Variants in SLC49A4 observed in about 807,000 individuals in gnomAD.
The protein encoded by SLC49A4 is disrupted in renal cancer protein 2.
SLC49A4 carries 36 observed loss-of-function variants against 50.6 expected under a neutral mutation model. That is an observed-to-expected ratio of 0.71 (90% CI 0.55 to 0.94). SLC49A4 has a LOEUF of 0.94. Among genes scored for constraint, SLC49A4 ranks in the 40% least tolerant of loss-of-function variants. The pLI is 0.00. For missense variants in SLC49A4, 503 were observed against 605.7 expected (o/e 0.83, Z 1.78); for synonymous variants, 248 against 241.2 (o/e 1.03, Z -0.26).
chr3:122,821,580 A>C (rs1212036198), intron 2 of SLC49A4, among the ~76,000 whole-genome samples: 4 of 152,142 alleles, frequency 2.6e-5, no homozygotes, highest in African/African-American at 9.7e-5. Context: ...TCAGGTGTGG[A>C]GTTTCGGGTA....
intron 7 of SLC49A4, among the ~76,000 whole-genome samples, chr3:122,869,984 T>C (rs950812414): frequency 3.0e-5 from 4 of 134,704 alleles, no homozygotes; most frequent in Non-Finnish European, 6.4e-5. Flanking sequence ...GACTCTATAT[T>C]GATAGTTCCC....
chr3:122,825,146 C>A (rs1431050408), intron 2 of SLC49A4, among the ~76,000 whole-genome samples: 1 of 152,138 alleles, frequency 6.6e-6, no homozygotes, highest in African/African-American at 2.4e-5. Flanking sequence ...TCATTCCAAG[C>A]CTTCTAGTTG....
rs538174827 is a variant in SLC49A4, at chr3:122,802,744, TATA to T, written c.344-4110_344-4108del. Among the ~76,000 whole-genome samples the T allele has an allele frequency of 3.9e-5, 6 of 152,026 alleles. No homozygotes were observed. The South Asian group carries it at 1.0e-3, about 26-fold the overall frequency. On this transcript the variant is annotated intron_variant, in intron 1 of 8. Coordinates refer to ENST00000261038, the MANE Select transcript of SLC49A4 (RefSeq NM_032839.3). ...TGTAATCAATGTGTAAGACGAAAAA[TATA>T]ATCAATGTCTGAGATGAAAAAAATA...
chr3:122,848,125 G>A (rs725404), intron 5 of SLC49A4, among the ~76,000 whole-genome samples: 1 of 152,018 alleles, frequency 6.6e-6, no homozygotes, highest in African/African-American at 2.4e-5. Flanking sequence ...CTGGAGCTCT[G>A]TTCTTTTACC....
chr3:122,814,452 C>G (rs1335285282), intron 2 of SLC49A4, among the ~76,000 whole-genome samples: 1 of 152,104 alleles, frequency 6.6e-6, no homozygotes, highest in Admixed American at 6.6e-5. Flanking sequence ...GTAACATGAG[C>G]ATTTTTGAAA....
chr3:122,844,713 C>T (rs1413162806), intron 4 of SLC49A4, among the ~76,000 whole-genome samples: 1 of 151,188 alleles, frequency 6.6e-6, no homozygotes, highest in East Asian at 1.9e-4. Flanking sequence ...ACCCGGGAAG[C>T]GGAGGTTGCA....
intron 1 of SLC49A4, among the ~76,000 whole-genome samples, chr3:122,805,073 C>T (rs1442508058): frequency 4.6e-5 from 7 of 151,966 alleles, no homozygotes; most frequent in African/African-American, 1.5e-4. Flanking sequence ...TTCAGTATCT[C>T]GTAGGGTACC....
At chr3:122,836,536 T>A (rs1936690127) in intron 4 of SLC49A4, among the ~76,000 whole-genome samples, 1 of 152,178 alleles carries the variant, frequency 6.6e-6, no homozygotes, top group African/African-American at 2.4e-5. Context: ...GATTCCCTCT[T>A]TTTCTATTGA....
chr3:122,843,789 C>G (rs1454163505), intron 4 of SLC49A4, among the ~76,000 whole-genome samples: 1 of 152,116 alleles, frequency 6.6e-6, no homozygotes, highest in Non-Finnish European at 1.5e-5. Context: ...TTTAGTTTTG[C>G]TTTTGTTTTT....
chr3:122,874,971 G>A (rs1273864277), intron 8 of SLC49A4, among the ~76,000 whole-genome samples: 1 of 152,186 alleles, frequency 6.6e-6, no homozygotes, highest in Non-Finnish European at 1.5e-5. Context: ...TTATGAGTGT[G>A]CATAATGAAT....
At chr3:122,814,175 T>G (rs991030855) in intron 2 of SLC49A4, among the ~76,000 whole-genome samples, 1 of 152,068 alleles carries the variant, frequency 6.6e-6, no homozygotes, top group Admixed American at 6.6e-5. Flanking sequence ...GGCTGAGGCA[T>G]GAGAATCACT....
At position 122,826,831 on chromosome 3, in the gene SLC49A4, T is replaced by A. The variant is rs1936535549; in HGVS notation, c.469T>A (p.Leu157Met). Residue 157 changes from leucine to methionine, a missense_variant, in exon 3 of 9, where the codon TTG becomes ATG. Transcript: ENST00000261038. ...TCATGGAGGACAGATGTTAAATGGA[T>A]TGGCAGGTCCAACTGTAATGAATGC... is the stretch of plus-strand genomic sequence containing the variant. ...LIHGGQMLNGLAGPTVMNAAP... is the reference protein window; with the variant it reads ...LIHGGQMLNGMAGPTVMNAAP... 2 of 1,614,160 alleles carry A rather than the reference T, an allele frequency of 1.2e-6. No individual in the cohort carries two copies. Among genetic ancestry groups the A allele is most frequent in the Non-Finnish European group, 1.7e-6 (2 of 1,180,000 alleles).
At chr3:122,856,262 A>T (rs1936987906) in intron 5 of SLC49A4, 45 bp from the exon 6 acceptor site, 17 of 1,586,094 alleles carry the variant, frequency 1.1e-5, no homozygotes, top group Non-Finnish European at 1.5e-5. Context: ...TTTATATTGC[A>T]GTATGATTGT....
Position 122,856,367 on chromosome 3 carries a change from A to G in SLC49A4, c.1003A>G (p.Met335Val), listed in dbSNP as rs568324197. The change falls in exon 6 of 9, where the codon ATG becomes GTG. Residue 335 changes from methionine (M) to valine (V), a missense_variant. Coordinates refer to ENST00000261038, the MANE Select transcript of SLC49A4 (RefSeq NM_032839.3). ...IVGGCVVGIA[M>V]ARFADFIRGM... ...TGGAGGCTGTGTTGTTGGAATAGCT[A>G]TGGCAAGGTGAGAATATTTTGTTAA... 1.2e-6 allele frequency: 2 copies of G among 1,613,982 alleles called. No individual in the cohort carries two copies. Among genetic ancestry groups the G allele is most frequent in the Non-Finnish European group, 1.7e-6 (2 of 1,179,914 alleles).
At chr3:122,868,727 T>C (rs1937153833) in intron 7 of SLC49A4, among the ~76,000 whole-genome samples, 1 of 152,244 alleles carries the variant, frequency 6.6e-6, no homozygotes, top group South Asian at 2.1e-4. Context: ...CTTTACTTTC[T>C]GCATTTCCAC....
Position 122,856,170 on chromosome 3 carries a change from A to G in SLC49A4, c.943-137A>G, listed in dbSNP as rs569562071. On this transcript the variant is annotated intron_variant, in intron 5 of 8. Transcript: ENST00000261038. ...TCAAGGACATATTTTAGATGTTTGTATACATTAGTTACACATGAATTCTTT... is the reference window on the plus strand; with the variant it reads ...TCAAGGACATATTTTAGATGTTTGTGTACATTAGTTACACATGAATTCTTT... 2.9e-5 allele frequency: 21 copies of G among 723,076 alleles called. No homozygotes were observed. The East Asian group carries it at 4.6e-4, about 16-fold the overall frequency. 44.8% of individuals were successfully genotyped at this position (723,076 alleles called of 1,614,324 possible).
chr3:122,871,342 T>TA (rs1937195194), intron 7 of SLC49A4, among the ~76,000 whole-genome samples: 2 of 152,270 alleles, frequency 1.3e-5, no homozygotes, highest in Non-Finnish European at 2.9e-5. Flanking sequence ...ATTTTTTTTT[T>TA]ACCCCTTCAA....
At chr3:122,806,567 A>G (rs537977928) in intron 1 of SLC49A4, among the ~76,000 whole-genome samples, 8 of 151,920 alleles carry the variant, frequency 5.3e-5, no homozygotes, top group East Asian at 1.9e-4. Context: ...TAGTAGAGAC[A>G]GTTTTACCAT....
Position 122,823,791 on chromosome 3 carries a change from T to G in SLC49A4, c.438-3009T>G, listed in dbSNP as rs78136931. Among the ~76,000 whole-genome samples, 98 of 152,344 alleles carry G rather than the reference T, an allele frequency of 6.4e-4. 2 individuals carry two copies. In the East Asian group the frequency reaches 0.017, roughly 27 times the overall value. ...TTAGACTTAATGTATAAAGCAGAAT[T>G]TTATTTTTACATATCTTTTTACAGA... On this transcript the variant is annotated intron_variant, in intron 2 of 8. Coordinates refer to ENST00000261038, the MANE Select transcript of SLC49A4 (RefSeq NM_032839.3).
Sources: allele counts gnomAD v4.1 joint callset (sites outside exome capture counted in the v4.1 genomes callset), GRCh38; gene constraint gnomAD v4.1.1; transcripts MANE v1.5; gene names NCBI Gene and HGNC (gene_info 2026-07-23, HGNC 2026-07-21).